The following OXR1 variants were observed in gnomAD, a reference collection of about 807,000 sequenced individuals.
OXR1 encodes oxidation resistance 1.
OXR1 carries 41 observed loss-of-function variants against 104.6 expected under a neutral mutation model. The observed-to-expected ratio is 0.39, with a 90% CI of 0.31 to 0.51. OXR1 has a LOEUF of 0.51. Ranked by LOEUF, OXR1 falls within the 20% of genes least tolerant of loss-of-function variation. The pLI, the probability that OXR1 is intolerant of heterozygous loss-of-function variation, is 0.77. For missense variants in OXR1, 955 were observed against 1,031.9 expected (o/e 0.93, Z 1.02); for synonymous variants, 348 against 348.4 (o/e 1.00, Z 0.01).
chr8:106,293,775 C>G (rs1480725824), intron 1 of OXR1, among the ~76,000 whole-genome samples: 1 of 152,098 alleles, frequency 6.6e-6, no homozygotes, highest in Admixed American at 6.5e-5. Context: ...AGACAGAACC[C>G]ATTCCTCCAA....
intron 1 of OXR1, among the ~76,000 whole-genome samples, chr8:106,341,189 C>A (rs1011010531): frequency 2.0e-5 from 3 of 151,968 alleles, no homozygotes; most frequent in African/African-American, 7.3e-5. Context: ...AATTTTATAT[C>A]TTGGGACTAA....
At chr8:106,582,811 A>G (rs1818348732) in intron 3 of OXR1, among the ~76,000 whole-genome samples, 1 of 152,212 alleles carries the variant, frequency 6.6e-6, no homozygotes, top group Non-Finnish European at 1.5e-5. Context: ...TTGGAGAAGC[A>G]TCTTCCTTAT....
intron 7 of OXR1, among the ~76,000 whole-genome samples, chr8:106,695,908 T>C (rs1193503687): frequency 2.0e-5 from 3 of 152,132 alleles, no homozygotes; most frequent in Non-Finnish European, 2.9e-5. Flanking sequence ...CTCTCCCCCT[T>C]TCCCCAGTTT....
intron 3 of OXR1, among the ~76,000 whole-genome samples, chr8:106,667,761 A>G (rs917040486): frequency 1.3e-5 from 2 of 152,142 alleles, no homozygotes; most frequent in African/African-American, 4.8e-5. Context: ...CTGAACTTTA[A>G]AAATCACCTC....
chr8:106,713,968 G>A lies in OXR1; in HGVS notation c.1939G>A (p.Ala647Thr). 3 of 1,575,928 alleles carry A rather than the reference G, an allele frequency of 1.9e-6. No individual in the cohort carries two copies. Among genetic ancestry groups the A allele is most frequent in the South Asian group, 1.2e-5 (1 of 84,000 alleles). The change falls in exon 11 of 17, where the codon GCA becomes ACA. Residue 647 changes from alanine (A) to threonine (T), a missense_variant. Transcript: ENST00000517566. ...AATTGAGGATTCTAGTAATCAAGCA[G>A]CAGCCAGAGAATGGGAGGTAAGGAG... ...ETIEDSSNQAAAREWEVVSVA... is the reference protein window; with the variant it reads ...ETIEDSSNQATAREWEVVSVA...
chr8:106,395,449 G>A (rs1185713628), intron 2 of OXR1, among the ~76,000 whole-genome samples: 1 of 152,254 alleles, frequency 6.6e-6, no homozygotes, highest in Non-Finnish European at 1.5e-5. Context: ...GAGACAATGA[G>A]GAAGTAGCAA....
At chr8:106,661,204 A>G (rs979699596) in intron 3 of OXR1, among the ~76,000 whole-genome samples, 1 of 152,062 alleles carries the variant, frequency 6.6e-6, no homozygotes, top group African/African-American at 2.4e-5. Flanking sequence ...ACCAAAAAAA[A>G]CTTTGGTCAA....
chr8:106,372,388 G>T (rs1315806177), intron 2 of OXR1, among the ~76,000 whole-genome samples: 2 of 151,588 alleles, frequency 1.3e-5, no homozygotes, highest in South Asian at 2.1e-4. Flanking sequence ...TGCTGGTAAA[G>T]AATTCACATG....
intron 2 of OXR1, among the ~76,000 whole-genome samples, chr8:106,362,826 T>C (rs1816301473): frequency 6.6e-6 from 1 of 152,178 alleles, no homozygotes. Context: ...AAAATACTGG[T>C]CAGCATATGT....
At chr8:106,487,871 C>T (rs199630129) in intron 2 of OXR1, among the ~76,000 whole-genome samples, 5 of 151,430 alleles carry the variant, frequency 3.3e-5, no homozygotes, top group Admixed American at 1.3e-4. Context: ...TGAATAATGC[C>T]GCAATAAACA....
At chr8:106,293,297 G>A (rs1420970061) in intron 1 of OXR1, among the ~76,000 whole-genome samples, 4 of 152,142 alleles carry the variant, frequency 2.6e-5, no homozygotes, top group African/African-American at 9.7e-5. Context: ...TTACATTCTA[G>A]CACAGTCCCT....
intron 1 of OXR1, among the ~76,000 whole-genome samples, chr8:106,294,963 G>T (rs1166519478): frequency 1.3e-5 from 2 of 152,084 alleles, no homozygotes; most frequent in East Asian, 3.9e-4. Context: ...TATAAATCAA[G>T]AATAGTTGAC....
intron 2 of OXR1, among the ~76,000 whole-genome samples, chr8:106,442,748 G>C (rs1819842863): frequency 6.6e-6 from 1 of 152,046 alleles, no homozygotes; most frequent in African/African-American, 2.4e-5. Flanking sequence ...TATTTCTGTG[G>C]GGTCAGTGGT....
At chr8:106,401,288 C>G (rs1399128000) in intron 2 of OXR1, among the ~76,000 whole-genome samples, 3 of 152,180 alleles carry the variant, frequency 2.0e-5, no homozygotes, top group African/African-American at 7.2e-5. Flanking sequence ...GCTGTCTGTT[C>G]CCTTTCAGGT....
intron 1 of OXR1, among the ~76,000 whole-genome samples, chr8:106,324,628 C>CT (rs1013068834): frequency 1.6e-4 from 24 of 148,462 alleles, no homozygotes; most frequent in East Asian, 5.9e-4. Flanking sequence ...AAATTTCCTT[C>CT]TTTTTTTTTT....
intron 1 of OXR1, among the ~76,000 whole-genome samples, chr8:106,331,408 A>G (rs1814708054): frequency 6.6e-6 from 1 of 152,230 alleles, no homozygotes; most frequent in African/African-American, 2.4e-5. Flanking sequence ...TGAAACACTT[A>G]CAAAAATACA....
At chr8:106,675,448 T>A (rs965140637) in intron 3 of OXR1, among the ~76,000 whole-genome samples, 1 of 152,188 alleles carries the variant, frequency 6.6e-6, no homozygotes, top group African/African-American at 2.4e-5. Flanking sequence ...CTTATAAGTT[T>A]CCCTCTTAAC....
chr8:106,408,924 G>A (rs552359775), intron 2 of OXR1, among the ~76,000 whole-genome samples: 17 of 152,220 alleles, frequency 1.1e-4, no homozygotes, highest in South Asian at 2.1e-4. Context: ...TATTGTTCCC[G>A]TTTCAGGGAA....
chr8:106,441,477 A>C (rs1014850607), intron 2 of OXR1, among the ~76,000 whole-genome samples: 1 of 152,192 alleles, frequency 6.6e-6, no homozygotes, highest in African/African-American at 2.4e-5. Flanking sequence ...TTTGATGGGA[A>C]TAGTATTGAA....
Sources: allele counts gnomAD v4.1 joint callset (sites outside exome capture counted in the v4.1 genomes callset), GRCh38; gene constraint gnomAD v4.1.1; transcripts MANE v1.5; gene names NCBI Gene and HGNC (gene_info 2026-07-23, HGNC 2026-07-21).